The following SH3BP2 variants were observed in gnomAD, a reference collection of about 807,000 sequenced individuals.
The protein encoded by SH3BP2 is SH3 domain-binding protein 2.
A neutral mutation model predicts 56.2 loss-of-function variants in SH3BP2; 38 were observed. The ratio of observed to expected loss-of-function variants is 0.68; its 90% CI spans 0.52 to 0.89. SH3BP2 has a LOEUF of 0.89. Among genes scored for constraint, SH3BP2 ranks in the 40% least tolerant of loss-of-function variants. The probability of loss-of-function intolerance (pLI) is 0.00; values close to 1 mark genes in which losing one functional copy is unlikely to be tolerated. For synonymous variants in SH3BP2, 346 were observed against 316.7 expected, an observed-to-expected ratio of 1.09 and a Z score of -0.98; for missense variants, 748 against 762.6, an observed-to-expected ratio of 0.98 and a Z score of 0.23.
chr4:2,815,666 G>T (rs2108718432), intron 1 of SH3BP2, among the ~76,000 whole-genome samples: 1 of 152,238 alleles, frequency 6.6e-6, no homozygotes, highest in East Asian at 1.9e-4. Context: ...CTTTTGGGTG[G>T]CGGGGGCACA....
chr4:2,814,864 C>T (rs1723925831), intron 1 of SH3BP2: 1 of 152,360 alleles, frequency 6.6e-6, no homozygotes. Context: ...ACAGGTCCCC[C>T]CAGGGTGTCT....
chr4:2,795,379 G>A (rs1281180665), intron 1 of SH3BP2, among the ~76,000 whole-genome samples: 1 of 152,240 alleles, frequency 6.6e-6, no homozygotes, highest in Non-Finnish European at 1.5e-5. Flanking sequence ...CAGTGACTAT[G>A]TGTGGCAGGC....
intron 1 of SH3BP2, among the ~76,000 whole-genome samples, chr4:2,808,326 A>G (rs1723617674): frequency 6.6e-6 from 1 of 152,140 alleles, no homozygotes; most frequent in Non-Finnish European, 1.5e-5. Context: ...CTCTTACAGG[A>G]CAGTTGCCTT....
Position 2,825,028 on chromosome 4 carries a change from G to C in SH3BP2, c.358-98G>C, listed in dbSNP as rs187236640. ...CAGCCGGGTCGCCTCCTCTGACCTT[G>C]GGAGTCACAGCAGAGCAGGCAGGGC... On this transcript the variant is annotated intron_variant, in intron 4 of 12. Coordinates refer to ENST00000503393, the MANE Select transcript of SH3BP2 (RefSeq NM_001122681.2). The C allele has an allele frequency of 6.4e-4, 756 of 1,175,694 alleles. 6 individuals are homozygous for C. The African/African-American group carries it at 0.011, about 17-fold the overall frequency. The allele number at this position is 1,175,694 out of a possible 1,614,324, so 72.8% of individuals were successfully genotyped here. A position where few individuals can be genotyped will look rare whatever the true frequency, so the allele number is the denominator to read the frequency against.
chr4:2,834,993 C>G lies in SH3BP2; in HGVS notation c.*1159C>G, dbSNP rs1200174957. On this transcript the variant is annotated 3_prime_UTR_variant, in exon 13 of 13. Transcript: ENST00000503393. Reference sequence around the variant, plus strand: ...CAAGTCTTCCAGGCAATACCTGGCTCAGGCCCAGCCCCAATCCATCCCCTT... The same window carrying G: ...CAAGTCTTCCAGGCAATACCTGGCTGAGGCCCAGCCCCAATCCATCCCCTT... The G allele has an allele frequency of 6.6e-6, 1 of 152,394 alleles. No homozygotes were observed. The highest frequency in any genetic ancestry group is 1.5e-5 in the Non-Finnish European group (1 of 68,192). 9.4% of individuals were successfully genotyped at this position (152,394 alleles called of 1,614,324 possible). A position where few individuals can be genotyped will look rare whatever the true frequency, so the allele number is the denominator to read the frequency against.
At chr4:2,817,548 A>G (rs1724050113) in intron 1 of SH3BP2, among the ~76,000 whole-genome samples, 1 of 152,200 alleles carries the variant, frequency 6.6e-6, no homozygotes, top group Non-Finnish European at 1.5e-5. Flanking sequence ...CATCTGGCCC[A>G]TCTTGGTGGC....
chr4:2,801,047 GT>G (rs1400369999), intron 1 of SH3BP2, among the ~76,000 whole-genome samples: 1 of 123,596 alleles, frequency 8.1e-6, no homozygotes, highest in Non-Finnish European at 1.9e-5. Context: ...GGGCTGGACA[GT>G]TGCATGGTTG....
intron 1 of SH3BP2, among the ~76,000 whole-genome samples, chr4:2,795,249 C>T (rs1418532175): frequency 6.6e-6 from 1 of 152,190 alleles, no homozygotes; most frequent in Non-Finnish European, 1.5e-5. Context: ...GGCCAAGGCT[C>T]CCAGGTTCCT....
rs371366593 is a variant in SH3BP2, at chr4:2,829,856, C to T, written c.950C>T (p.Thr317Ile). 42 of 1,613,796 alleles carry T rather than the reference C, an allele frequency of 2.6e-5. No homozygotes were observed. The African/African-American group carries it at 3.7e-4, about 14-fold the overall frequency. The change falls in exon 8 of 13, where the codon ACT (threonine) becomes ATT (isoleucine). Residue 317 changes from threonine to isoleucine, a missense_variant. Physicochemically the swap from Thr to Ile is moderately conservative, Grantham distance 89 (BLOSUM62 -1). Coordinates refer to ENST00000503393, the MANE Select transcript of SH3BP2 (RefSeq NM_001122681.2). This position sits in a 1 kb window ranked among gnomAD's most constrained non-coding sequence, Gnocchi z 4.9. Reference sequence around the variant, plus strand: ...ACCCCTGGCCACGGGGCCTGCTCCACTTCCAGTGCTGCCATCATGGCCACT... The same window carrying T: ...ACCCCTGGCCACGGGGCCTGCTCCATTTCCAGTGCTGCCATCATGGCCACT... ...PWTPGHGACS[T>I]SSAAIMATAT...
intron 11 of SH3BP2, 151 bp downstream of exon 11, chr4:2,832,563 C>A (rs1725048427): frequency 2.8e-6 from 2 of 721,046 alleles, no homozygotes; most frequent in East Asian, 2.7e-5. Flanking sequence ...CAGCACCCCC[C>A]AATCTATTCC....
At chr4:2,812,449 A>AG in intron 1 of SH3BP2, 1 of 1,550,142 alleles carries the variant, frequency 6.5e-7, no homozygotes, top group Non-Finnish European at 8.7e-7. Context: ...ACGAGGACGG[A>AG]GGGCCATGTG....
intron 1 of SH3BP2, among the ~76,000 whole-genome samples, chr4:2,802,399 A>G (rs1393922843): frequency 9.5e-6 from 1 of 104,964 alleles, no homozygotes; most frequent in Admixed American, 1.1e-4. Context: ...GTCTCAAAAA[A>G]ATATATGTGT....
At chr4:2,807,545 T>G (rs558083299) in intron 1 of SH3BP2, among the ~76,000 whole-genome samples, 2 of 152,208 alleles carry the variant, frequency 1.3e-5, no homozygotes, top group Admixed American at 6.5e-5. Context: ...AGGGCAAGGT[T>G]CTAGATGGTT....
chr4:2,840,767 A>C lies in SH3BP2; in HGVS notation c.*6933A>C, dbSNP rs1725397179. 6.6e-6 allele frequency: 1 copy of C among 152,218 alleles called. No individual in the cohort carries two copies. The highest frequency in any genetic ancestry group is 2.1e-4 in the South Asian group (1 of 4,830). 9.4% of individuals were successfully genotyped at this position (152,218 alleles called of 1,614,324 possible). On this transcript the variant is annotated 3_prime_UTR_variant, in exon 13 of 13. Transcript: ENST00000503393. Reference sequence around the variant, plus strand: ...CAATGATGCACTTGATAGTTTGGGAATTTATTATAGCTATCAATCAGTTTT... The same window carrying C: ...CAATGATGCACTTGATAGTTTGGGACTTTATTATAGCTATCAATCAGTTTT...
chr4:2,804,045 C>T lies in SH3BP2; in HGVS notation c.-5+10907C>T, dbSNP rs145237296. On this transcript the variant is annotated intron_variant, in intron 1 of 12. Coordinates refer to ENST00000503393, the MANE Select transcript of SH3BP2 (RefSeq NM_001122681.2). ...GACACTGTGCAAGAGAGACAGGGTC[C>T]GGCTGACCAGCCTCACCATGACTCC... Among the ~76,000 whole-genome samples the T allele has an allele frequency of 1.4e-3, 215 of 152,218 alleles. 1 individual carries two copies. Among genetic ancestry groups the T allele is most frequent in the Non-Finnish European group, 1.8e-3 (122 of 68,006 alleles).
At chr4:2,818,362 A>G in intron 1 of SH3BP2, 1 of 1,175,646 alleles carries the variant, frequency 8.5e-7, no homozygotes. Flanking sequence ...CGCCCCGGGG[A>G]AGCCGGCCAT....
chr4:2,797,429 C>T (rs889788559), intron 1 of SH3BP2, among the ~76,000 whole-genome samples: 1 of 152,204 alleles, frequency 6.6e-6, no homozygotes, highest in Non-Finnish European at 1.5e-5. Flanking sequence ...TGTACTGGGC[C>T]CTGGGCTAGG....
At chr4:2,812,530 C>T (rs899627047) in intron 1 of SH3BP2, 2 of 1,524,890 alleles carry the variant, frequency 1.3e-6, no homozygotes, top group Admixed American at 4.1e-5. Context: ...TGGTCTAGCA[C>T]CTGAAGAACC....
rs551069507 is a variant in SH3BP2, at chr4:2,827,554, G to A, written c.518-52G>A. 5.8e-6 allele frequency: 9 copies of A among 1,541,068 alleles called. No individual in the cohort carries two copies. In the East Asian group the frequency reaches 2.2e-4, roughly 37 times the overall value. On this transcript the variant is annotated intron_variant, in intron 6 of 12. Transcript: ENST00000503393. ...AGCCCCATGCATGGAGCATTGCTCG[G>A]AGACTGGGCCTGGGCCGGTTTGGCT...
Sources: gnomAD v4.1 joint callset for allele counts (sites outside exome capture counted in the v4.1 genomes callset) on GRCh38, gnomAD v4.1.1 for gene constraint, Gnocchi (gnomAD v3.1) non-coding constraint, MANE v1.5 for transcripts, NCBI Gene and HGNC (gene_info 2026-07-23, HGNC 2026-07-21) for gene names.